The following STK39 variants were observed in gnomAD, a reference collection of about 807,000 sequenced individuals.
STK39 encodes the protein serine/threonine kinase 39, also known as STE20/SPS1-related proline-alanine-rich protein kinase.
In STK39, 20 loss-of-function variants were observed where a neutral mutation model predicts 77.8. That is an observed-to-expected ratio of 0.26 (90% CI 0.18 to 0.37). STK39 has a LOEUF of 0.37. STK39 is among the 10% of genes least tolerant of loss of function. The pLI, the probability that STK39 is intolerant of heterozygous loss-of-function variation, is 1.00. For missense variants in STK39, 479 were observed against 656.5 expected (o/e 0.73, Z 2.95); for synonymous variants, 246 against 234.1 (o/e 1.05, Z -0.47).
intron 10 of STK39, among the ~76,000 whole-genome samples, chr2:168,090,587 C>T (rs546751383): frequency 6.6e-6 from 1 of 152,334 alleles, no homozygotes; most frequent in African/African-American, 2.4e-5. Flanking sequence ...CCTCTGTGAA[C>T]CAGCACTCAA....
intron 10 of STK39, among the ~76,000 whole-genome samples, chr2:168,089,682 C>T (rs775592066): frequency 1.6e-4 from 24 of 152,194 alleles, no homozygotes; most frequent in Admixed American, 3.3e-4. Flanking sequence ...GGCGCAATCT[C>T]GGCTCACCAC....
intron 12 of STK39, among the ~76,000 whole-genome samples, chr2:168,066,986 G>T (rs1049270655): frequency 1.3e-5 from 2 of 152,230 alleles, no homozygotes; most frequent in Non-Finnish European, 2.9e-5. Context: ...TTGAAAGGAT[G>T]AGGTGTGGGT....
At position 168,247,421 on chromosome 2, in the gene STK39, G is replaced by A. The variant is rs542010051; in HGVS notation, c.15C>T (p.Ser5=). MAEP[S]GSPVHVQLPQ... is the part of the protein sequence containing the mutation. Reference sequence around the variant, plus strand: ...GAAGCTGGACGTGCACGGGCGAGCCGCTCGGCTCCGCCATGATGCTGCGGA... The same window carrying A: ...GAAGCTGGACGTGCACGGGCGAGCCACTCGGCTCCGCCATGATGCTGCGGA... Residue 5 remains serine (S), a synonymous_variant, in exon 1 of 18, where the codon AGC becomes AGT. Coordinates refer to ENST00000355999, the MANE Select transcript of STK39 (RefSeq NM_013233.3). 4.9e-6 allele frequency: 6 copies of A among 1,236,818 alleles called. No homozygotes were observed. The East Asian group carries it at 1.1e-4, about 23-fold the overall frequency. The allele number at this position is 1,236,818 out of a possible 1,614,324, so 76.6% of individuals were successfully genotyped here. A position where few individuals can be genotyped will look rare whatever the true frequency, so the allele number is the denominator to read the frequency against.
chr2:168,000,731 A>G (rs1178590414), intron 16 of STK39, among the ~76,000 whole-genome samples: 1 of 152,220 alleles, frequency 6.6e-6, no homozygotes, highest in Admixed American at 6.5e-5. Flanking sequence ...GAGCTCTGAC[A>G]GCACGATCTT....
At chr2:168,173,555 A>ATATTTATT (rs67465958) in intron 2 of STK39, among the ~76,000 whole-genome samples, 26,965 of 118,848 alleles carry the variant, frequency 0.23, 3,102 homozygotes, top group African/African-American at 0.42. Flanking sequence ...ATTTATATTT[A>ATATTTATT]TATTTATTTA....
chr2:168,244,901 C>T (rs1437915668), intron 1 of STK39, among the ~76,000 whole-genome samples: 2 of 152,180 alleles, frequency 1.3e-5, no homozygotes, highest in East Asian at 1.9e-4. Flanking sequence ...AACTGACCAA[C>T]CATAATTAAC....
intron 12 of STK39, among the ~76,000 whole-genome samples, chr2:168,071,003 A>T (rs1268868040): frequency 2.6e-5 from 4 of 151,894 alleles, no homozygotes; most frequent in Non-Finnish European, 5.9e-5. Flanking sequence ...CAAACATCCC[A>T]CTCTGGCCTT....
intron 16 of STK39, among the ~76,000 whole-genome samples, chr2:167,998,783 C>T (rs778947077): frequency 1.3e-5 from 2 of 152,170 alleles, no homozygotes; most frequent in African/African-American, 4.8e-5. Flanking sequence ...CATAAATGAA[C>T]CCAGAACACT....
intron 14 of STK39, among the ~76,000 whole-genome samples, chr2:168,046,265 C>A: frequency 6.6e-6 from 1 of 152,206 alleles, no homozygotes; most frequent in East Asian, 1.9e-4. Flanking sequence ...ATGTGGGAGG[C>A]TGAGGCAGGA....
intron 16 of STK39, among the ~76,000 whole-genome samples, chr2:167,971,000 A>C (rs1692326544): frequency 6.6e-6 from 1 of 152,222 alleles, no homozygotes; most frequent in African/African-American, 2.4e-5. Context: ...AAGTCCTTTA[A>C]ATTTAATTTG....
At chr2:167,964,327 T>C (rs1018571854) in intron 17 of STK39, 2 of 225,394 alleles carry the variant, frequency 8.9e-6, no homozygotes, top group East Asian at 2.8e-4. Flanking sequence ...TTATTAAGAG[T>C]GTTGCTTTGA....
At chr2:167,961,317 T>G (rs1691953924) in intron 17 of STK39, among the ~76,000 whole-genome samples, 1 of 152,218 alleles carries the variant, frequency 6.6e-6, no homozygotes, top group Non-Finnish European at 1.5e-5. Context: ...GCAATACATA[T>G]AATGCTATTA....
intron 2 of STK39, among the ~76,000 whole-genome samples, chr2:168,175,842 T>C (rs1451296758): frequency 6.6e-6 from 1 of 152,156 alleles, no homozygotes; most frequent in Non-Finnish European, 1.5e-5. Context: ...AGACTTGAAA[T>C]GCTCGAAATA....
At chr2:168,026,439 A>T (rs1341030685) in intron 14 of STK39, among the ~76,000 whole-genome samples, 1 of 152,210 alleles carries the variant, frequency 6.6e-6, no homozygotes, top group Admixed American at 6.5e-5. Context: ...AACTGAAGCC[A>T]AGGAGATTAA....
rs568043935 is a variant in STK39 at position 168,210,547 on chromosome 2, T to C, written c.209-28457A>G. 4.3e-3 allele frequency among the ~76,000 whole-genome samples: 650 copies of C among 152,308 alleles called. 3 individuals carry two copies. The highest frequency in any genetic ancestry group is 7.1e-3 in the Non-Finnish European group (486 of 68,026). ...TGTTTTGTTTTGTTTTGAGACGAAG[T>C]CTTGCTCTGTCGTCCAGGCAGGAGT... On this transcript the variant is annotated intron_variant, in intron 1 of 17. Coordinates refer to ENST00000355999, the MANE Select transcript of STK39 (RefSeq NM_013233.3).
chr2:168,235,230 G>A (rs1690569628), intron 1 of STK39, among the ~76,000 whole-genome samples: 1 of 151,858 alleles, frequency 6.6e-6, no homozygotes, highest in Admixed American at 6.6e-5. Flanking sequence ...AGTAGAGACG[G>A]GGTTTCACCA....
At chr2:168,144,864 T>C (rs1326870506) in intron 5 of STK39, among the ~76,000 whole-genome samples, 3 of 151,690 alleles carry the variant, frequency 2.0e-5, no homozygotes, top group Admixed American at 2.0e-4. Flanking sequence ...AACTGTAATT[T>C]CAGCTACTCA....
intron 14 of STK39, among the ~76,000 whole-genome samples, chr2:168,047,113 G>A (rs1685264512): frequency 6.6e-6 from 1 of 152,182 alleles, no homozygotes; most frequent in South Asian, 2.1e-4. Context: ...TCTTTCAGAT[G>A]TTGGAGAAAA....
At chr2:168,032,156 T>A (rs947256674) in intron 14 of STK39, among the ~76,000 whole-genome samples, 2 of 152,240 alleles carry the variant, frequency 1.3e-5, no homozygotes, top group African/African-American at 4.8e-5. Flanking sequence ...CCATGAAGGA[T>A]ATATCCAAGG....
Sources: gnomAD v4.1 joint callset for allele counts (sites outside exome capture counted in the v4.1 genomes callset) on GRCh38, gnomAD v4.1.1 for gene constraint, MANE v1.5 for transcripts, NCBI Gene and HGNC (gene_info 2026-07-23, HGNC 2026-07-21) for gene names.